The following HOXB3 variants were observed in gnomAD, a reference collection of about 807,000 sequenced individuals.
HOXB3 encodes the protein homeobox B3, also known as homeobox protein Hox-B3.
A neutral mutation model predicts 29.2 loss-of-function variants in HOXB3; 17 were observed. The observed-to-expected ratio is 0.58, with a 90% CI of 0.40 to 0.87. HOXB3 has a LOEUF of 0.87. Among genes scored for constraint, HOXB3 ranks in the 40% least tolerant of loss-of-function variants. The probability of loss-of-function intolerance (pLI) is 0.00; values close to 1 mark genes in which losing one functional copy is unlikely to be tolerated. For missense variants in HOXB3, 637 were observed against 616.3 expected (o/e 1.03, Z -0.35); for synonymous variants, 317 against 285.9 (o/e 1.11, Z -1.10).
intron 2 of HOXB3, among the ~76,000 whole-genome samples, chr17:48,562,822 C>G (rs1021510664): frequency 6.6e-6 from 1 of 152,148 alleles, no homozygotes; most frequent in African/African-American, 2.4e-5. Context: ...AGCTGGGTGT[C>G]TGGACAGAAA....
intron 2 of HOXB3, among the ~76,000 whole-genome samples, chr17:48,570,713 TGCTCTG>T (rs1754153915): frequency 6.6e-6 from 1 of 152,202 alleles, no homozygotes; most frequent in African/African-American, 2.4e-5. Context: ...CACTGGAATC[TGCTCTG>T]GCCTCATGGG....
At chr17:48,577,050 G>T (rs757026315) in intron 1 of HOXB3, 10 of 1,535,442 alleles carry the variant, frequency 6.5e-6, no homozygotes, top group South Asian at 1.3e-5. Flanking sequence ...GGGAGAAAGA[G>T]AAAGTTTTAT....
Position 48,552,581 on chromosome 17 carries a change from C to CCG in HOXB3, c.-108_-107insCG. The CCG allele has an allele frequency of 1.3e-6, 1 of 771,962 alleles. No individual in the cohort carries two copies. Among genetic ancestry groups the CCG allele is most frequent in the East Asian group, 2.9e-5 (1 of 34,808 alleles). The allele number at this position is 771,962 out of a possible 1,614,324, so 47.8% of individuals were successfully genotyped here. ...CACGTGACACGCCGGACCCCCCCCC[C>CCG]CCACCTCCCCTCTCTGCCCCCCTCC... On this transcript the variant is annotated 5_prime_UTR_variant, in exon 4 of 5. An upstream open reading frame in the 5' UTR gains an earlier in-frame stop. Coordinates refer to ENST00000498678, the MANE Select transcript of HOXB3 (RefSeq NM_001384749.1).
At chr17:48,580,002 G>A (rs941349380) in intron 1 of HOXB3, 9 of 477,518 alleles carry the variant, frequency 1.9e-5, no homozygotes, top group African/African-American at 1.6e-4. Context: ...CTTCGTTTGG[G>A]GTGTGGTTTG....
At chr17:48,566,090 C>A (rs2069377797) in intron 2 of HOXB3, among the ~76,000 whole-genome samples, 1 of 152,180 alleles carries the variant, frequency 6.6e-6, no homozygotes, top group Non-Finnish European at 1.5e-5. Flanking sequence ...CAGCAGCTTT[C>A]TTAGAGCTCT....
At chr17:48,562,687 C>T (rs980209095) in intron 2 of HOXB3, among the ~76,000 whole-genome samples, 1 of 152,190 alleles carries the variant, frequency 6.6e-6, no homozygotes, top group Admixed American at 6.5e-5. Flanking sequence ...AGGGCCCAGC[C>T]GCTTCCTCTC....
At chr17:48,574,454 A>C (rs2069695233) in intron 1 of HOXB3, 2 of 152,346 alleles carry the variant, frequency 1.3e-5, no homozygotes, top group Admixed American at 1.3e-4. Flanking sequence ...CCCAGCCTCC[A>C]ACTACCGGAG....
chr17:48,550,423 G>T lies in HOXB3; in HGVS notation c.1207C>A (p.Pro403Thr). ...APSQHHGPCE[P>T]HPTYTDLSSH... ...GAGAGGTCTGTGTAGGTGGGGTGGG[G>T]TTCGCAGGGTCCGTGGTGCTGGCTG... Residue 403 changes from proline (P) to threonine (T), a missense_variant, in exon 5 of 5, where the codon CCC (proline) becomes ACC (threonine). By Grantham distance (38) the Pro-to-Thr change is conservative. Transcript: ENST00000498678. 1 of 1,613,952 alleles carries T rather than the reference G, an allele frequency of 6.2e-7. No homozygotes were observed. Among genetic ancestry groups the T allele is most frequent in the East Asian group, 2.2e-5 (1 of 44,846 alleles).
intron 2 of HOXB3, among the ~76,000 whole-genome samples, chr17:48,569,425 C>T (rs1006265428): frequency 2.4e-4 from 37 of 151,998 alleles, no homozygotes; most frequent in African/African-American, 8.7e-4. Context: ...CCACAGCCCA[C>T]CTCTCCTCTC....
Position 48,549,943 on chromosome 17 carries a change from T to C in HOXB3, c.*391A>G, listed in dbSNP as rs1411172691. ...TTGGGGGGAATTACCTACAAAGATGTAAGGTAAGTCCGTTGGTTGGTGATG... is the reference window on the plus strand; with the variant it reads ...TTGGGGGGAATTACCTACAAAGATGCAAGGTAAGTCCGTTGGTTGGTGATG... On this transcript the variant is annotated 3_prime_UTR_variant, in exon 5 of 5. Coordinates refer to ENST00000498678, the MANE Select transcript of HOXB3 (RefSeq NM_001384749.1). 1 of 172,716 alleles carries C rather than the reference T, an allele frequency of 5.8e-6. No individual in the cohort carries two copies. The highest frequency in any genetic ancestry group is 1.2e-5 in the Non-Finnish European group (1 of 80,122). The allele number at this position is 172,716 out of a possible 1,614,324, so 10.7% of individuals were successfully genotyped here.
At chr17:48,578,176 G>C (rs2069833402) in intron 1 of HOXB3, 1 of 1,610,996 alleles carries the variant, frequency 6.2e-7, no homozygotes, top group South Asian at 1.1e-5. Flanking sequence ...CCTCCGGCTG[G>C]AAGCTGCTCT....
chr17:48,578,059 G>A (rs1379525727), intron 1 of HOXB3: 16 of 1,169,426 alleles, frequency 1.4e-5, no homozygotes, highest in Admixed American at 4.4e-5. Context: ...GGGACAGACC[G>A]GGCGGTGGCG....
chr17:48,576,774 C>A, intron 1 of HOXB3: 1 of 1,613,974 alleles, frequency 6.2e-7, no homozygotes, highest in Non-Finnish European at 8.5e-7. Flanking sequence ...TCCGGCTGAG[C>A]CTGCCGCACC....
chr17:48,583,851 T>C (rs1313453456), intron 1 of HOXB3, among the ~76,000 whole-genome samples: 24 of 152,246 alleles, frequency 1.6e-4, no homozygotes, highest in Admixed American at 1.4e-3. Flanking sequence ...CTTCACCCAA[T>C]TGGTTTAGTC....
chr17:48,582,321 G>A (rs1026811687), intron 1 of HOXB3: 1 of 152,300 alleles, frequency 6.6e-6, no homozygotes, highest in African/African-American at 2.4e-5. Context: ...GCCGGCCGCC[G>A]AGCCGCCCGC....
At chr17:48,561,488 G>A (rs1303674766) in intron 2 of HOXB3, among the ~76,000 whole-genome samples, 1 of 152,198 alleles carries the variant, frequency 6.6e-6, no homozygotes, top group Non-Finnish European at 1.5e-5. Context: ...ACTGCTCTGG[G>A]TGTATGTAAA....
chr17:48,574,500 A>G (rs1248937119), intron 1 of HOXB3: 1 of 152,216 alleles, frequency 6.6e-6, no homozygotes, highest in African/African-American at 2.4e-5. Context: ...AATAACAATA[A>G]AACGCGCGGG....
At chr17:48,555,148 A>C (rs1276143124) in intron 3 of HOXB3, among the ~76,000 whole-genome samples, 4 of 152,020 alleles carry the variant, frequency 2.6e-5, no homozygotes, top group Admixed American at 6.5e-5. Flanking sequence ...GAGAGAGGGG[A>C]TAGGCCATCT....
Position 48,577,802 on chromosome 17 carries a change from C to G in HOXB3, c.-424-3788G>C, listed in dbSNP as rs916169008. 17 of 1,334,340 alleles carry G rather than the reference C, an allele frequency of 1.3e-5. No homozygotes were observed. In the East Asian group the frequency reaches 4.5e-4, roughly 35 times the overall value. The allele number at this position is 1,334,340 out of a possible 1,614,324, so 82.7% of individuals were successfully genotyped here. A position where few individuals can be genotyped will look rare whatever the true frequency, so the allele number is the denominator to read the frequency against. On this transcript the variant is annotated intron_variant, in intron 1 of 4. Transcript: ENST00000498678. Reference sequence around the variant, plus strand: ...TCAACCCCCCCCCAACCCATGCCTCCGAAGTCCCTTTGGTGTAAAGCTCCA... The same window carrying G: ...TCAACCCCCCCCCAACCCATGCCTCGGAAGTCCCTTTGGTGTAAAGCTCCA...
Sources: allele counts gnomAD v4.1 joint callset (sites outside exome capture counted in the v4.1 genomes callset), GRCh38; gene constraint gnomAD v4.1.1; transcripts MANE v1.5; gene names NCBI Gene and HGNC (gene_info 2026-07-23, HGNC 2026-07-21).